Variants in NRBP2 observed in about 807,000 individuals in gnomAD.
NRBP2 encodes nuclear receptor-binding protein 2.
Under a neutral mutation model 74.4 loss-of-function variants are expected in NRBP2, and 47 were observed. The observed-to-expected ratio is 0.63, with a 90% CI of 0.50 to 0.81. The LOEUF (loss-of-function observed/expected upper bound fraction) is 0.81. Ranked by LOEUF, NRBP2 falls within the 30% of genes least tolerant of loss-of-function variation. The probability of loss-of-function intolerance (pLI) is 0.00; values close to 1 mark genes in which losing one functional copy is unlikely to be tolerated. For missense variants in NRBP2, 613 were observed against 690.1 expected, an observed-to-expected ratio of 0.89 and a Z score of 1.25; for synonymous variants, 312 against 273.8, an observed-to-expected ratio of 1.14 and a Z score of -1.38.
Position 143,839,862 on chromosome 8 carries a change from G to C in NRBP2, c.355-37C>G. ...GAGCTCAGGATTTCCACCAGCTGCGGGTTCGTCCCCATGCCCGCCCCACCT... is the reference window on the plus strand; with the variant it reads ...GAGCTCAGGATTTCCACCAGCTGCGCGTTCGTCCCCATGCCCGCCCCACCT... On this transcript the variant is annotated intron_variant, in intron 3 of 17. Coordinates refer to ENST00000442628, the MANE Select transcript of NRBP2 (RefSeq NM_178564.4). This position sits in a 1 kb window ranked among gnomAD's most constrained non-coding sequence, Gnocchi z 5.1. The C allele has an allele frequency of 2.0e-6, 3 of 1,535,468 alleles. No homozygotes were observed. In the African/African-American group the frequency reaches 4.1e-5, roughly 21 times the overall value.
chr8:143,839,235 G>C lies in NRBP2; in HGVS notation c.581-40C>G. 1 of 1,532,408 alleles carries C rather than the reference G, an allele frequency of 6.5e-7. No individual in the cohort carries two copies. The highest frequency in any genetic ancestry group is 8.7e-7 in the Non-Finnish European group (1 of 1,143,874). The allele number at this position is 1,532,408 out of a possible 1,614,324, so 94.9% of individuals were successfully genotyped here. On this transcript the variant is annotated intron_variant, in intron 6 of 17. Coordinates refer to ENST00000442628, the MANE Select transcript of NRBP2 (RefSeq NM_178564.4). This position sits in a 1 kb window ranked among gnomAD's most constrained non-coding sequence, Gnocchi z 5.1. ...GAGAAAGAGTGGAGTTAGCTGCTGGGGCATCAGAACTCCTCTGCCCTTGGC... is the reference window on the plus strand; with the variant it reads ...GAGAAAGAGTGGAGTTAGCTGCTGGCGCATCAGAACTCCTCTGCCCTTGGC...
At chr8:143,838,452 G>A (rs561286374) in intron 10 of NRBP2, among the ~76,000 whole-genome samples, 2 of 152,248 alleles carry the variant, frequency 1.3e-5, no homozygotes, top group Non-Finnish European at 2.9e-5. Context: ...GCCACAGAGG[G>A]AGGGTCTCTC....
rs901463706 is a variant in NRBP2, at chr8:143,835,742, G to A, written c.1438-12C>T. ...TTCATCCGGTCGTCCTGCGGAAGGAGGGAGGCATGGGGGACGGAGGGGCGC... is the reference window on the plus strand; with the variant it reads ...TTCATCCGGTCGTCCTGCGGAAGGAAGGAGGCATGGGGGACGGAGGGGCGC... On this transcript the variant is annotated splice_polypyrimidine_tract_variant and intron_variant, in intron 17 of 17. Transcript: ENST00000442628. This position sits in a 1 kb window ranked among gnomAD's most constrained non-coding sequence, Gnocchi z 4.9. 4 of 1,596,522 alleles carry A rather than the reference G, an allele frequency of 2.5e-6. No homozygotes were observed. Among genetic ancestry groups the A allele is most frequent in the Non-Finnish European group, 3.4e-6 (4 of 1,173,654 alleles).
Position 143,839,384 on chromosome 8 carries a change from T to TG in NRBP2, c.509dup (p.Ile171AsnfsTer36), listed in dbSNP as rs782679572. ...CGCTGGTCAGGTTCCCGTGGATGAT[T>TG]GGGGGGCTGCAGGCGTGCAGGAAGC... On this transcript the variant is annotated frameshift_variant, in exon 6 of 18. Coordinates refer to ENST00000442628, the MANE Select transcript of NRBP2 (RefSeq NM_178564.4). LOFTEE classifies it high-confidence loss of function. This position sits in a 1 kb window ranked among gnomAD's most constrained non-coding sequence, Gnocchi z 5.1. 20 of 1,587,096 alleles carry TG rather than the reference T, an allele frequency of 1.3e-5. No individual in the cohort carries two copies. The highest frequency in any genetic ancestry group is 1.7e-5 in the Non-Finnish European group (20 of 1,174,200).
chr8:143,831,458 G>T (rs527659235), downstream of NRBP2, among the ~76,000 whole-genome samples: 1 of 152,268 alleles, frequency 6.6e-6, no homozygotes, highest in South Asian at 2.1e-4. Context: ...TCTACAAAAA[G>T]TAATTTTAAA....
chr8:143,836,271 GA>G, intron 14 of NRBP2, 91 bp from the exon 15 acceptor site: 2 of 1,423,408 alleles, frequency 1.4e-6, no homozygotes, highest in Non-Finnish European at 9.2e-7. Flanking sequence ...GCAAAGACTG[GA>G]AAGGGGGGAA....
At chr8:143,831,171 ACATT>A (rs1358153137), downstream of NRBP2, among the ~76,000 whole-genome samples, 1 of 152,234 alleles carries the variant, frequency 6.6e-6, no homozygotes, top group African/African-American at 2.4e-5. Context: ...GTTCTTACAC[ACATT>A]CATTCATGGG....
At chr8:143,832,782 A>G (rs904628709), downstream of NRBP2, among the ~76,000 whole-genome samples, 13 of 152,204 alleles carry the variant, frequency 8.5e-5, no homozygotes, top group African/African-American at 2.2e-4. Context: ...CAAATGATCA[A>G]TAAATACTAA....
At chr8:143,833,326 A>C (rs1818228652), downstream of NRBP2, 1 of 152,254 alleles carries the variant, frequency 6.6e-6, no homozygotes, top group African/African-American at 2.4e-5. Flanking sequence ...AAGTTGTGCA[A>C]GAAATGCCAT....
rs782511156 is a variant in NRBP2 at position 143,837,412 on chromosome 8, C to T, written c.1071G>A (p.Gln357=). The T allele has an allele frequency of 6.3e-7, 1 of 1,598,812 alleles. No individual in the cohort carries two copies. Among genetic ancestry groups the T allele is most frequent in the Non-Finnish European group, 8.5e-7 (1 of 1,174,474 alleles). ...ELPRPRRPPL[Q]WRYSEVSFME... ...TCTGGGTGCTGACTGCTCACCGCCA[C>T]TGCAGCGGGGGCCTGCGGGGCCGGG... Residue 357 remains glutamine (Q), a synonymous_variant, in exon 12 of 18, where the codon CAG becomes CAA. Coordinates refer to ENST00000442628, the MANE Select transcript of NRBP2 (RefSeq NM_178564.4). This position sits in a 1 kb window ranked among gnomAD's most constrained non-coding sequence, Gnocchi z 4.3.
rs782172575 is a variant in NRBP2, at chr8:143,835,942, C to T, written c.1381+25G>A. On this transcript the variant is annotated intron_variant, in intron 16 of 17. Coordinates refer to ENST00000442628, the MANE Select transcript of NRBP2 (RefSeq NM_178564.4). This position sits in a 1 kb window ranked among gnomAD's most constrained non-coding sequence, Gnocchi z 4.9. ...CCCGCCGCCTGGGGTCACCGCCCGCCGCCCAAGTCCCCTGCCCAGCCTACT... is the reference window on the plus strand; with the variant it reads ...CCCGCCGCCTGGGGTCACCGCCCGCTGCCCAAGTCCCCTGCCCAGCCTACT... The T allele has an allele frequency of 1.4e-5, 22 of 1,591,446 alleles. No individual in the cohort carries two copies. Among genetic ancestry groups the T allele is most frequent in the Admixed American group, 6.9e-5 (4 of 57,906 alleles).
rs1263609099 is a variant in NRBP2, at chr8:143,835,471, A to G, written c.*191T>C. 1 of 641,892 alleles carries G rather than the reference A, an allele frequency of 1.6e-6. No individual in the cohort carries two copies. The highest frequency in any genetic ancestry group is 1.9e-5 in the African/African-American group (1 of 53,956). 39.8% of individuals were successfully genotyped at this position (641,892 alleles called of 1,614,324 possible). A position where few individuals can be genotyped will look rare whatever the true frequency, so the allele number is the denominator to read the frequency against. On this transcript the variant is annotated 3_prime_UTR_variant, in exon 18 of 18. Transcript: ENST00000442628. This position sits in a 1 kb window ranked among gnomAD's most constrained non-coding sequence, Gnocchi z 4.9. ...CTGGGAGGCCTAACGGCTCCCCCAC[A>G]CCCACCCCCCAACCCCTCGGCGCCC...
At position 143,839,314 on chromosome 8, in the gene NRBP2, C is replaced by T; in HGVS notation, c.580G>A (p.Val194Met). 6.4e-7 allele frequency: 1 copy of T among 1,563,532 alleles called. No individual in the cohort carries two copies. Among genetic ancestry groups the T allele is most frequent in the Middle Eastern group, 1.8e-4 (1 of 5,516 alleles). Residue 194 changes from valine (V) to methionine (M), a missense_variant and splice_region_variant, in exon 6 of 18, where the codon GTG becomes ATG. Physicochemically the swap from Val to Met is conservative, Grantham distance 21 (BLOSUM62 1). Around this residue, in one of 2 missense-constraint regions of NRBP2, gnomAD observed 332 missense variants for 429.2 expected, o/e 0.77. Transcript: ENST00000442628. The surrounding 1 kb of genome is among the most constrained non-coding windows in gnomAD (Gnocchi z 5.1). ...CCACCCAGCCCTGCCCCGCCAGCAC[C>T]GGAGCCGATCTTGATGAGGCCGTTG... ...QHNGLIKIGS[V>M]WHRIFSNALP...
intron 14 of NRBP2, 40 bp from the exon 15 acceptor site, chr8:143,836,220 A>G (rs782410719): frequency 1.3e-6 from 2 of 1,500,616 alleles, no homozygotes; most frequent in Non-Finnish European, 1.8e-6. Flanking sequence ...ACCCAGCAGC[A>G]AGACCACATG....
chr8:143,835,646 G>C lies in NRBP2; in HGVS notation c.*16C>G. 1.3e-6 allele frequency: 2 copies of C among 1,564,174 alleles called. No homozygotes were observed. The highest frequency in any genetic ancestry group is 1.7e-6 in the Non-Finnish European group (2 of 1,157,818). ...GGCAGCACCCCGGCATGGTCCCCTG[G>C]GGCTGGGGCTCCGGGTCAGGCCTGG... On this transcript the variant is annotated 3_prime_UTR_variant, in exon 18 of 18. Coordinates refer to ENST00000442628, the MANE Select transcript of NRBP2 (RefSeq NM_178564.4). The surrounding 1 kb of genome is among the most constrained non-coding windows in gnomAD (Gnocchi z 4.9).
chr8:143,835,765 C>T lies in NRBP2; in HGVS notation c.1438-35G>A, dbSNP rs372522005. On this transcript the variant is annotated intron_variant, in intron 17 of 17. Coordinates refer to ENST00000442628, the MANE Select transcript of NRBP2 (RefSeq NM_178564.4). This position sits in a 1 kb window ranked among gnomAD's most constrained non-coding sequence, Gnocchi z 4.9. Reference sequence around the variant, plus strand: ...GAGGGAGGCATGGGGGACGGAGGGGCGCGGCCTGCCCCGTGCGCCCCCTCC... The same window carrying T: ...GAGGGAGGCATGGGGGACGGAGGGGTGCGGCCTGCCCCGTGCGCCCCCTCC... 5.8e-4 allele frequency: 921 copies of T among 1,596,276 alleles called. No individual in the cohort carries two copies. Among genetic ancestry groups the T allele is most frequent in the Non-Finnish European group, 7.3e-4 (861 of 1,173,074 alleles).
rs1025063902 is a variant in NRBP2 at position 143,839,021 on chromosome 8, A to G, written c.684T>C (p.Tyr228=). ...LRNLHFFPPE[Y]GEVADGTAVD... ...CCCGGACCCAGCACCACTCACCTCCATACTCTGGGGGGAAGAAGTGCAGGT... is the reference window on the plus strand; with the variant it reads ...CCCGGACCCAGCACCACTCACCTCCGTACTCTGGGGGGAAGAAGTGCAGGT... The change falls in exon 8 of 18, where the codon TAT becomes TAC. Residue 228 remains tyrosine (Y), a synonymous_variant. Coordinates refer to ENST00000442628, the MANE Select transcript of NRBP2 (RefSeq NM_178564.4). The surrounding 1 kb of genome is among the most constrained non-coding windows in gnomAD (Gnocchi z 5.1). 1.2e-5 allele frequency: 19 copies of G among 1,546,588 alleles called. No homozygotes were observed. Among genetic ancestry groups the G allele is most frequent in the Admixed American group, 9.8e-5 (5 of 51,028 alleles).
chr8:143,839,558 G>A lies in NRBP2; in HGVS notation c.445-9C>T, dbSNP rs1431160053. 5.9e-6 allele frequency: 9 copies of A among 1,530,200 alleles called. No individual in the cohort carries two copies. The highest frequency in any genetic ancestry group is 2.7e-5 in the African/African-American group (2 of 72,868). 94.8% of individuals were successfully genotyped at this position (1,530,200 alleles called of 1,614,324 possible). A position where few individuals can be genotyped will look rare whatever the true frequency, so the allele number is the denominator to read the frequency against. ...CACCAGCGCTTCCAGGCCTGGCGGC[G>A]GACGCACGACTCCGTCGGTCGGGTG... On this transcript the variant is annotated splice_polypyrimidine_tract_variant and intron_variant, in intron 4 of 17. Transcript: ENST00000442628. The surrounding 1 kb of genome is among the most constrained non-coding windows in gnomAD (Gnocchi z 5.1).
At chr8:143,838,839 G>A in intron 9 of NRBP2, 44 bp downstream of exon 9, 1 of 1,612,546 alleles carries the variant, frequency 6.2e-7, no homozygotes, top group Non-Finnish European at 8.5e-7. Flanking sequence ...GCAGGGCACA[G>A]TTAGGAGGAG....
Sources: allele counts gnomAD v4.1 joint callset (sites outside exome capture counted in the v4.1 genomes callset), GRCh38; gene constraint gnomAD v4.1.1; regional missense constraint gnomAD v4.1.1; non-coding constraint Gnocchi (gnomAD v3.1); transcripts MANE v1.5; gene names NCBI Gene and HGNC (gene_info 2026-07-23, HGNC 2026-07-21).